The following C7 variants were observed in gnomAD, a reference collection of about 807,000 sequenced individuals.
The protein encoded by C7 is complement component C7.
C7 carries 83 observed loss-of-function variants against 104.8 expected under a neutral mutation model. The observed-to-expected ratio is 0.79, with a 90% CI of 0.66 to 0.95. C7 has a LOEUF of 0.95. Ranked by LOEUF, C7 falls within the 40% of genes least tolerant of loss-of-function variation. The pLI, the probability that C7 is intolerant of heterozygous loss-of-function variation, is 0.00. For synonymous variants in C7, 415 were observed against 360.6 expected (o/e 1.15, Z -1.71); for missense variants, 1,070 against 1,011.2 (o/e 1.06, Z -0.79).
At chr5:40,927,715 G>C (rs938077839) in intron 1 of C7, among the ~76,000 whole-genome samples, 1 of 152,086 alleles carries the variant, frequency 6.6e-6, no homozygotes, top group Non-Finnish European at 1.5e-5. Flanking sequence ...AATCATTAGA[G>C]AAATGCAAAT....
At chr5:40,980,872 C>G (rs759982271) in intron 17 of C7, among the ~76,000 whole-genome samples, 21 of 152,358 alleles carry the variant, frequency 1.4e-4, no homozygotes, top group South Asian at 1.2e-3. Flanking sequence ...TGTTACTCAT[C>G]TTTGGAAGAC....
chr5:40,925,277 A>G (rs970275747), intron 1 of C7, among the ~76,000 whole-genome samples: 1 of 152,080 alleles, frequency 6.6e-6, no homozygotes, highest in Non-Finnish European at 1.5e-5. Context: ...CTTAAGTTCA[A>G]ACTTCTACAG....
intron 1 of C7, among the ~76,000 whole-genome samples, chr5:40,917,001 G>A (rs1405669904): frequency 6.6e-6 from 1 of 151,960 alleles, no homozygotes; most frequent in African/African-American, 2.4e-5. Flanking sequence ...CAGGCATGTT[G>A]GCGCTCACCT....
chr5:40,954,170 CTTATT>C (rs1740237119), intron 9 of C7, among the ~76,000 whole-genome samples: 1 of 152,082 alleles, frequency 6.6e-6, no homozygotes, highest in African/African-American at 2.4e-5. Context: ...TAATTAACAG[CTTATT>C]TTATTCATTG....
At chr5:40,974,106 A>AG (rs1259992854) in intron 15 of C7, among the ~76,000 whole-genome samples, 1 of 95,162 alleles carries the variant, frequency 1.1e-5, no homozygotes, top group Non-Finnish European at 2.1e-5. Context: ...TTTTAAATGT[A>AG]TGTTCAGTGG....
chr5:40,923,636 C>T (rs894798104), intron 1 of C7, among the ~76,000 whole-genome samples: 1 of 151,940 alleles, frequency 6.6e-6, no homozygotes, highest in Non-Finnish European at 1.5e-5. Context: ...ATCATAGCTA[C>T]TCAGGAGGCT....
At chr5:40,928,677 A>G in intron 2 of C7, 42 bp downstream of exon 2, 1 of 1,302,800 alleles carries the variant, frequency 7.7e-7, no homozygotes, top group Non-Finnish European at 1.1e-6. Context: ...ATTAAATTTA[A>G]AAAATGTTTT....
chr5:40,966,791 A>G (rs890712472), intron 14 of C7, among the ~76,000 whole-genome samples: 2 of 152,132 alleles, frequency 1.3e-5, no homozygotes, highest in Non-Finnish European at 2.9e-5. Context: ...GTAGTATTCT[A>G]TCGTATATAT....
At chr5:40,929,616 G>A (rs3792637) in intron 2 of C7, among the ~76,000 whole-genome samples, 18,579 of 152,132 alleles carry the variant, frequency 0.12, 1,313 homozygotes, top group South Asian at 0.16. Context: ...CCAGAAATCA[G>A]GAATACTAGT....
At chr5:40,978,994 T>G (rs555329954) in intron 16 of C7, among the ~76,000 whole-genome samples, 10 of 150,050 alleles carry the variant, frequency 6.7e-5, no homozygotes, top group Non-Finnish European at 1.2e-4. Flanking sequence ...ATTCTCATGC[T>G]TCAGCCTCCT....
rs530061335 is a variant in C7 at position 40,958,026 on chromosome 5, T to G, written c.1261-7T>G. The G allele has an allele frequency of 2.9e-4, 459 of 1,599,284 alleles. 6 individuals are homozygous for G. The South Asian group carries it at 4.8e-3, about 17-fold the overall frequency. On this transcript the variant is annotated splice_polypyrimidine_tract_variant and splice_region_variant and intron_variant, in intron 10 of 17. Transcript: ENST00000313164. The stretch of plus-strand genomic sequence containing the variant: ...GATTACTGACTATAATGTCTTTATC[T>G]CTATAGCTGACACCTTTATATGAGC...
intron 15 of C7, among the ~76,000 whole-genome samples, chr5:40,974,594 A>C (rs537556369): frequency 7.3e-5 from 11 of 151,314 alleles, no homozygotes; most frequent in African/African-American, 2.7e-4. Context: ...TTTTTTTTGT[A>C]TTTTTAGCAG....
chr5:40,969,549 A>G (rs1740645425), intron 14 of C7, among the ~76,000 whole-genome samples: 1 of 152,166 alleles, frequency 6.6e-6, no homozygotes, highest in Non-Finnish European at 1.5e-5. Flanking sequence ...GTTTATGGCA[A>G]CCAGTGAGGC....
intron 1 of C7, among the ~76,000 whole-genome samples, chr5:40,910,444 C>T (rs531762769): frequency 6.6e-6 from 1 of 152,122 alleles, no homozygotes; most frequent in East Asian, 1.9e-4. Flanking sequence ...ATTGGGGCAC[C>T]GAATCCAAGC....
At chr5:40,923,909 T>C (rs1330615807) in intron 1 of C7, among the ~76,000 whole-genome samples, 1 of 148,948 alleles carries the variant, frequency 6.7e-6, no homozygotes, top group African/African-American at 2.5e-5. Flanking sequence ...ACATGGGGAT[T>C]ACATTTCAAC....
intron 15 of C7, among the ~76,000 whole-genome samples, chr5:40,976,198 T>A (rs1321877199): frequency 1.3e-5 from 2 of 152,208 alleles, no homozygotes; most frequent in East Asian, 3.8e-4. Context: ...TTATTGTAGA[T>A]CTTCTCGGCA....
chr5:40,950,033 G>A lies in C7; in HGVS notation c.1093+19G>A, dbSNP rs565547027. ...GCTTCAGGTAAATGGAAAAAGAGCA[G>A]TTTGCATTGCAAGCTTAACTTCTTT... On this transcript the variant is annotated intron_variant, in intron 9 of 17. Coordinates refer to ENST00000313164, the MANE Select transcript of C7 (RefSeq NM_000587.4). 1.3e-5 allele frequency: 18 copies of A among 1,388,206 alleles called. No homozygotes were observed. The highest frequency in any genetic ancestry group is 1.5e-5 in the Non-Finnish European group (15 of 999,412). 86.0% of individuals were successfully genotyped at this position (1,388,206 alleles called of 1,614,324 possible). A position where few individuals can be genotyped will look rare whatever the true frequency, so the allele number is the denominator to read the frequency against.
intron 14 of C7, among the ~76,000 whole-genome samples, chr5:40,970,991 G>C (rs1020515250): frequency 6.6e-6 from 1 of 152,132 alleles, no homozygotes; most frequent in South Asian, 2.1e-4. Flanking sequence ...ATCATTGATG[G>C]GCATTTGGGT....
intron 11 of C7, among the ~76,000 whole-genome samples, chr5:40,959,181 GT>G (rs1740368058): frequency 6.6e-6 from 1 of 152,148 alleles, no homozygotes; most frequent in Non-Finnish European, 1.5e-5. Context: ...ATGATACAAC[GT>G]ACGTAAAAGT....
Sources: allele counts gnomAD v4.1 joint callset (sites outside exome capture counted in the v4.1 genomes callset), GRCh38; gene constraint gnomAD v4.1.1; transcripts MANE v1.5; gene names NCBI Gene and HGNC (gene_info 2026-07-23, HGNC 2026-07-21).